Variants in GPHN observed in about 807,000 individuals in gnomAD.
The protein encoded by GPHN is gephyrin.
In GPHN, 17 loss-of-function variants were observed where a neutral mutation model predicts 95.5. The observed-to-expected ratio is 0.18, with a 90% CI of 0.12 to 0.27. The LOEUF is 0.27. Among genes scored for constraint, GPHN ranks in the 10% least tolerant of loss-of-function variants. GPHN has a pLI of 1.00. For synonymous variants in GPHN, 320 were observed against 322.5 expected (o/e 0.99, Z 0.08); for missense variants, 660 against 978.1 (o/e 0.67, Z 4.34).
At chr14:66,995,259 A>G (rs542566388) in intron 9 of GPHN, among the ~76,000 whole-genome samples, 1 of 152,368 alleles carries the variant, frequency 6.6e-6, no homozygotes, top group South Asian at 2.1e-4. Context: ...GTTCAGCATC[A>G]TAAAGGTTAA....
At position 66,836,127 on chromosome 14, in the gene GPHN, A is replaced by G. The variant is rs201630798; in HGVS notation, c.294+11561A>G. On this transcript the variant is annotated intron_variant, in intron 4 of 22. Transcript: ENST00000478722. The stretch of plus-strand genomic sequence containing the variant: ...CATATGGAACCAAAAAAGAGCCCGC[A>G]TCGCCAAGTCAATCCTAAGCCAAAA... 9.3e-4 allele frequency among the ~76,000 whole-genome samples: 123 copies of G among 132,418 alleles called. 1 individual carries two copies. Among genetic ancestry groups the G allele is most frequent in the Middle Eastern group, 3.6e-3 (1 of 276 alleles). 86.9% of individuals were successfully genotyped at this position (132,418 alleles called of 152,430 possible). A position where few individuals can be genotyped will look rare whatever the true frequency, so the allele number is the denominator to read the frequency against.
intron 1 of GPHN, among the ~76,000 whole-genome samples, chr14:66,512,614 A>G (rs1460785769): frequency 6.6e-6 from 1 of 151,802 alleles, no homozygotes; most frequent in African/African-American, 2.4e-5. Flanking sequence ...AGTAAGAGAT[A>G]CTGGAACAAA....
intron 21 of GPHN, among the ~76,000 whole-genome samples, chr14:67,178,577 C>G (rs138903562): frequency 3.3e-5 from 5 of 152,210 alleles, no homozygotes; most frequent in African/African-American, 1.2e-4. Flanking sequence ...TTGTGGTGTT[C>G]TCTGTATTTC....
At chr14:66,703,678 C>T (rs1253888206) in intron 2 of GPHN, among the ~76,000 whole-genome samples, 1 of 110,476 alleles carries the variant, frequency 9.1e-6, no homozygotes, top group Non-Finnish European at 1.6e-5. Context: ...AGCCACTGCA[C>T]AAACACTCCA....
At chr14:67,200,167 C>A in the GPHN span, 2 of 1,161,156 alleles carry the variant, frequency 1.7e-6, no homozygotes, top group Non-Finnish European at 2.4e-6. Context: ...TCCTATGCCT[C>A]CACATGGTAT....
chr14:67,209,536 T>C, the GPHN span, among the ~76,000 whole-genome samples: 1 of 152,074 alleles, frequency 6.6e-6, no homozygotes, highest in African/African-American at 2.4e-5. Context: ...AAAAGCATAA[T>C]AGGCCGGGTG....
At chr14:67,643,483 T>C in the GPHN span, among the ~76,000 whole-genome samples, 1 of 152,164 alleles carries the variant, frequency 6.6e-6, no homozygotes, top group Non-Finnish European at 1.5e-5. Context: ...AGGTGGTAGA[T>C]ATGGTTTTAT....
the GPHN span, among the ~76,000 whole-genome samples, chr14:67,457,686 C>G: frequency 4.3e-4 from 66 of 152,354 alleles, no homozygotes; most frequent in Non-Finnish European, 1.5e-4. Context: ...GGCCCCCCAG[C>G]TATAGGACTT....
intron 13 of GPHN, among the ~76,000 whole-genome samples, chr14:67,108,699 C>G (rs1351968346): frequency 1.4e-5 from 2 of 140,286 alleles, no homozygotes; most frequent in African/African-American, 2.7e-5. Flanking sequence ...TTTTTCTTAA[C>G]CATTCCCTAA....
the GPHN span, chr14:67,578,182 A>T: frequency 6.2e-7 from 1 of 1,613,812 alleles, no homozygotes; most frequent in South Asian, 1.1e-5. The surrounding 1 kb of genome is among the most constrained non-coding windows in gnomAD (Gnocchi z 5.0). Context: ...CCCACCTCAG[A>T]AGTACTCCCT....
chr14:67,300,000 C>A, the GPHN span, among the ~76,000 whole-genome samples: 1 of 152,144 alleles, frequency 6.6e-6, no homozygotes, highest in Non-Finnish European at 1.5e-5. Flanking sequence ...CTTTTAAAAA[C>A]AACTTTTAGT....
At chr14:66,999,655 G>C (rs1460317855) in intron 9 of GPHN, among the ~76,000 whole-genome samples, 1 of 149,148 alleles carries the variant, frequency 6.7e-6, no homozygotes, top group African/African-American at 2.5e-5. Context: ...CAAGCAAAGT[G>C]AAAAAAAAAG....
At chr14:67,334,004 C>G in the GPHN span, 1 of 152,420 alleles carries the variant, frequency 6.6e-6, no homozygotes, top group Non-Finnish European at 1.5e-5. Flanking sequence ...AATAGATCAA[C>G]AAATGGTCAT....
chr14:67,191,541 T>A, the GPHN span, among the ~76,000 whole-genome samples: 29 of 152,200 alleles, frequency 1.9e-4, no homozygotes, highest in Non-Finnish European at 3.4e-4. Flanking sequence ...ACTCAAGCTG[T>A]CACATTTCCA....
chr14:66,961,110 TC>T (rs1180344790), intron 8 of GPHN, among the ~76,000 whole-genome samples: 3 of 152,096 alleles, frequency 2.0e-5, no homozygotes, highest in Admixed American at 6.6e-5. Context: ...CACAATTCTT[TC>T]AGAATAAGGT....
intron 2 of GPHN, among the ~76,000 whole-genome samples, chr14:66,728,873 A>G (rs2071498734): frequency 1.3e-5 from 2 of 152,030 alleles, no homozygotes; most frequent in Non-Finnish European, 2.9e-5. Context: ...GAGATTTAGG[A>G]GGGGTCGGGG....
At chr14:66,735,184 G>A (rs10150028) in intron 2 of GPHN, among the ~76,000 whole-genome samples, 47,253 of 151,928 alleles carry the variant, frequency 0.31, 11,156 homozygotes, top group African/African-American at 0.64. Context: ...AAACTCTTAG[G>A]GATACCATAG....
At chr14:67,327,308 A>C in the GPHN span, among the ~76,000 whole-genome samples, 1 of 151,978 alleles carries the variant, frequency 6.6e-6, no homozygotes, top group Non-Finnish European at 1.5e-5. Flanking sequence ...AAGTGAGGTA[A>C]ATGTATGTTT....
the GPHN span, among the ~76,000 whole-genome samples, chr14:67,735,026 A>G: frequency 5.3e-5 from 8 of 152,344 alleles, no homozygotes; most frequent in Admixed American, 3.9e-4. Context: ...GAAAGTTTCC[A>G]TCATATCCCA....
Sources: gnomAD v4.1 joint callset for allele counts (sites outside exome capture counted in the v4.1 genomes callset) on GRCh38, gnomAD v4.1.1 for gene constraint, Gnocchi (gnomAD v3.1) non-coding constraint, MANE v1.5 for transcripts, NCBI Gene and HGNC (gene_info 2026-07-23, HGNC 2026-07-21) for gene names.